The following ZBTB45 variants were observed in gnomAD, a reference collection of about 807,000 sequenced individuals.
The protein encoded by ZBTB45 is zinc finger and BTB domain-containing protein 45.
Under a neutral mutation model 28.4 loss-of-function variants are expected in ZBTB45, and 22 were observed. The ratio of observed to expected loss-of-function variants is 0.77; its 90% CI spans 0.55 to 1.10. ZBTB45 has a LOEUF of 1.10. ZBTB45 is among the 50% of genes least tolerant of loss of function. The pLI is 0.00. For synonymous variants in ZBTB45, 361 were observed against 332.3 expected, an observed-to-expected ratio of 1.09 and a Z score of -0.94; for missense variants, 656 against 750.2, an observed-to-expected ratio of 0.87 and a Z score of 1.47.
intron 1 of ZBTB45, among the ~76,000 whole-genome samples, chr19:58,527,490 ATCACACAACATGAAGTCTTGGTCCC>A (rs1006971519): frequency 2.6e-5 from 4 of 152,136 alleles, no homozygotes; most frequent in Non-Finnish European, 4.4e-5. Flanking sequence ...TATCAGTGGA[ATCACACAACATGAAGTCTTGGTCCC>A]TGCCCTCTCC....
chr19:58,522,416 C>T (rs919263016), upstream of ZBTB45, among the ~76,000 whole-genome samples: 3 of 151,984 alleles, frequency 2.0e-5, no homozygotes, highest in Admixed American at 6.6e-5. Context: ...CCTGCCTCGG[C>T]CTCCTAAAGT....
chr19:58,514,367 C>A, intron 2 of ZBTB45, 57 bp from the exon 3 acceptor site: 1 of 1,323,604 alleles, frequency 7.6e-7, no homozygotes, highest in Non-Finnish European at 9.7e-7. Flanking sequence ...TCCCCGCCCC[C>A]ACCCCACCCC....
rs1385450515 is a variant in ZBTB45, at chr19:58,517,238, G to T, written c.436C>A (p.Pro146Thr). 3.8e-6 allele frequency: 6 copies of T among 1,597,412 alleles called. No individual in the cohort carries two copies. In the African/African-American group the frequency reaches 6.7e-5, roughly 18 times the overall value. ...LPTPVPPPLA[P>T]AQLRHRLRHL... ...CGCAGGCGGTGACGCAGCTGCGCAG[G>T]TGCGAGTGGCGGGGGCACAGGGGTG... Residue 146 changes from proline to threonine, a missense_variant, in exon 2 of 3, where the codon CCT (proline) becomes ACT (threonine). By Grantham distance (38) the Pro-to-Thr change is conservative. This residue lies in a region of ZBTB45 where 448 missense variants were observed against 444.3 expected (regional missense o/e 1.01). Coordinates refer to ENST00000594051, the MANE Select transcript of ZBTB45 (RefSeq NM_001316979.2).
upstream of ZBTB45, among the ~76,000 whole-genome samples, chr19:58,521,707 T>C (rs1196125477): frequency 5.3e-5 from 8 of 152,320 alleles, no homozygotes; most frequent in East Asian, 1.3e-3. Flanking sequence ...CCACTATTTG[T>C]TTCCCATCTG....
chr19:58,524,488 C>A (rs1377331030), upstream of ZBTB45, among the ~76,000 whole-genome samples: 1 of 137,312 alleles, frequency 7.3e-6, no homozygotes, highest in African/African-American at 2.8e-5. Context: ...AACCCAAAGA[C>A]CTTAACCCTG....
rs775050582 is a variant in ZBTB45, at chr19:58,516,841, G to C, written c.833C>G (p.Ser278Ter). The C allele has an allele frequency of 1.3e-4, 216 of 1,613,504 alleles. No homozygotes were observed. The highest frequency in any genetic ancestry group is 1.8e-4 in the Non-Finnish European group (207 of 1,180,026). The change falls in exon 2 of 3, where the codon TCA becomes TGA. Residue 278 changes from serine (S) to a stop codon, truncating the protein, a stop_gained. Coordinates refer to ENST00000594051, the MANE Select transcript of ZBTB45 (RefSeq NM_001316979.2). LOFTEE classifies it high-confidence loss of function. The surrounding 1 kb of genome is among the most constrained non-coding windows in gnomAD (Gnocchi z 6.2). ...GCTGTCTGGAAATACGTCCTCAGCT[G>C]ACCCAGCTCCCCGAAGAAAATCTCT... ...AGRDFLRGAG[S>*]AEDVFPDSYV...
rs1269141821 is a variant in ZBTB45 at position 58,514,027 on chromosome 19, C to T, written c.*27G>A. 4 of 1,385,374 alleles carry T rather than the reference C, an allele frequency of 2.9e-6. No homozygotes were observed. In the African/African-American group the frequency reaches 6.1e-5, roughly 21 times the overall value. The allele number at this position is 1,385,374 out of a possible 1,614,324, so 85.8% of individuals were successfully genotyped here. ...ACTGTGCGGGAGGCCCCGGATCCAC[C>T]GTGGGCGAGGCCAGGCCCCAGCGCC... On this transcript the variant is annotated 3_prime_UTR_variant, in exon 3 of 3. Coordinates refer to ENST00000594051, the MANE Select transcript of ZBTB45 (RefSeq NM_001316979.2).
Position 58,517,508 on chromosome 19 carries a change from G to A in ZBTB45, c.166C>T (p.Pro56Ser), listed in dbSNP as rs1306504383. The change falls in exon 2 of 3, where the codon CCC becomes TCC. Residue 56 changes from proline (P) to serine (S), a missense_variant. By Grantham distance (74) the Pro-to-Ser change is moderately conservative. This residue lies in a region of ZBTB45 where 105 missense variants were observed against 152.4 expected (regional missense o/e 0.69). Transcript: ENST00000594051. ...AHRCVLAAGSPFFQDKLLLGH... is the reference protein window; with the variant it reads ...AHRCVLAAGSSFFQDKLLLGH... ...AGCAGCAGCTTGTCTTGGAAGAAGG[G>A]TGAGCCGGCCGCCAGCACGCAGCGG... The A allele has an allele frequency of 1.2e-6, 2 of 1,613,388 alleles. No individual in the cohort carries two copies. The highest frequency in any genetic ancestry group is 1.1e-5 in the South Asian group (1 of 91,082).
chr19:58,517,108 TTGGCAGGTGTTGGGGGCGC>T lies in ZBTB45; in HGVS notation c.547_565del (p.Ala183ArgfsTer134). The T allele has an allele frequency of 6.2e-7, 1 of 1,612,950 alleles. No individual in the cohort carries two copies. Among genetic ancestry groups the T allele is most frequent in the Non-Finnish European group, 8.5e-7 (1 of 1,179,876 alleles). On this transcript the variant is annotated frameshift_variant, in exon 2 of 3. Coordinates refer to ENST00000594051, the MANE Select transcript of ZBTB45 (RefSeq NM_001316979.2). LOFTEE classifies it high-confidence loss of function. The stretch of plus-strand genomic sequence containing the variant: ...GGGGTCAGCATCAGGCCCCTCAGCC[TTGGCAGGTGTTGGGGGCGC>T]TGGCAGCTGCAAACGCGCGGGCTGG...
intron 1 of ZBTB45, among the ~76,000 whole-genome samples, chr19:58,536,087 T>C (rs535890575): frequency 6.6e-6 from 1 of 152,256 alleles, no homozygotes; most frequent in African/African-American, 2.4e-5. Flanking sequence ...AATTGGATTT[T>C]TTTTTTTGAG....
chr19:58,531,381 C>T lies in ZBTB45; in HGVS notation c.-1+7320G>A, dbSNP rs530811233. Among the ~76,000 whole-genome samples the T allele has an allele frequency of 3.9e-5, 6 of 152,308 alleles. No homozygotes were observed. In the South Asian group the frequency reaches 6.2e-4, roughly 16 times the overall value. The stretch of plus-strand genomic sequence containing the variant: ...GGTGGGATCGTGTCATCAACCCTAA[C>T]GTGGGGCACTGACAGCCTGACTGTC... On this transcript the variant is annotated intron_variant, in intron 1 of 1. Coordinates refer to the ZBTB45 transcript ENST00000600130.
chr19:58,518,414 A>G (rs1373553514), intron 1 of ZBTB45, among the ~76,000 whole-genome samples: 1 of 152,066 alleles, frequency 6.6e-6, no homozygotes, highest in African/African-American at 2.4e-5. Flanking sequence ...AAACCAGTAC[A>G]TGCTCCCTGG....
At chr19:58,521,851 C>T (rs557720689), upstream of ZBTB45, among the ~76,000 whole-genome samples, 3 of 152,072 alleles carry the variant, frequency 2.0e-5, no homozygotes, top group Non-Finnish European at 2.9e-5. Context: ...CAGAGGGACT[C>T]GGCAGTGAAA....
rs1422476081 is a variant in ZBTB45 at position 58,517,720 on chromosome 19, C to T, written c.1-47G>A. The T allele has an allele frequency of 3.9e-6, 6 of 1,557,380 alleles. No individual in the cohort carries two copies. In the South Asian group the frequency reaches 7.1e-5, roughly 18 times the overall value. Reference sequence around the variant, plus strand: ...CAGGGAGAGGTCAACTGAGGACCCCCATCTGTCCCAACGTCCCTGTCCCCT... The same window carrying T: ...CAGGGAGAGGTCAACTGAGGACCCCTATCTGTCCCAACGTCCCTGTCCCCT... On this transcript the variant is annotated intron_variant, in intron 1 of 2. Transcript: ENST00000594051.
chr19:58,535,876 A>G (rs1358122787), intron 1 of ZBTB45, among the ~76,000 whole-genome samples: 1 of 152,048 alleles, frequency 6.6e-6, no homozygotes, highest in East Asian at 1.9e-4. Context: ...TACAATTTGG[A>G]GCTCATGTCC....
At chr19:58,526,400 G>A (rs576976748) in intron 1 of ZBTB45, among the ~76,000 whole-genome samples, 1 of 151,718 alleles carries the variant, frequency 6.6e-6, no homozygotes, top group South Asian at 2.1e-4. Context: ...AGTGGAGACG[G>A]GGTTTCACCA....
upstream of ZBTB45, among the ~76,000 whole-genome samples, chr19:58,524,063 C>CAAAAA (rs529087016): frequency 1.4e-5 from 1 of 73,188 alleles, no homozygotes; most frequent in African/African-American, 6.2e-5. Context: ...GACTCTGTCT[C>CAAAAA]AAAAAAAAAA....
Position 58,514,015 on chromosome 19 carries a change from C to A in ZBTB45, c.*39G>T. ...CGGGCGTGGCCGACTGTGCGGGAGG[C>A]CCCGGATCCACCGTGGGCGAGGCCA... On this transcript the variant is annotated 3_prime_UTR_variant, in exon 3 of 3. Coordinates refer to ENST00000594051, the MANE Select transcript of ZBTB45 (RefSeq NM_001316979.2). The A allele has an allele frequency of 7.3e-7, 1 of 1,374,318 alleles. No homozygotes were observed. Among genetic ancestry groups the A allele is most frequent in the Non-Finnish European group, 9.3e-7 (1 of 1,070,368 alleles). 85.1% of individuals were successfully genotyped at this position (1,374,318 alleles called of 1,614,324 possible).
chr19:58,534,129 C>G (rs991698455), intron 1 of ZBTB45, among the ~76,000 whole-genome samples: 1 of 152,154 alleles, frequency 6.6e-6, no homozygotes, highest in Non-Finnish European at 1.5e-5. Context: ...TCCCTGCTTG[C>G]ATCTCTACAT....
Sources: gnomAD v4.1 joint callset for allele counts (sites outside exome capture counted in the v4.1 genomes callset) on GRCh38, gnomAD v4.1.1 for gene constraint, gnomAD v4.1.1 regional missense constraint, Gnocchi (gnomAD v3.1) non-coding constraint, MANE v1.5 for transcripts, NCBI Gene and HGNC (gene_info 2026-07-23, HGNC 2026-07-21) for gene names.